The following ST3GAL6 variants were observed in gnomAD, a reference collection of about 807,000 sequenced individuals.
ST3GAL6 encodes type 2 lactosamine alpha-2,3-sialyltransferase.
In ST3GAL6, 31 loss-of-function variants were observed where a neutral mutation model predicts 40.5. The observed-to-expected ratio is 0.77, with a 90% CI of 0.58 to 1.03. ST3GAL6 has a LOEUF of 1.03. Among genes scored for constraint, ST3GAL6 ranks in the 50% least tolerant of loss-of-function variants. ST3GAL6 has a pLI of 0.00. For missense variants in ST3GAL6, 357 were observed against 393.2 expected, an observed-to-expected ratio of 0.91 and a Z score of 0.78; for synonymous variants, 129 against 136.9, an observed-to-expected ratio of 0.94 and a Z score of 0.40.
At chr3:98,733,313 G>C (rs1935217824) in intron 1 of ST3GAL6, 2 of 1,164,276 alleles carry the variant, frequency 1.7e-6, no homozygotes, top group Admixed American at 4.7e-5. Flanking sequence ...GCAGCCTCGC[G>C]GGTAAGCCCA....
intron 1 of ST3GAL6, among the ~76,000 whole-genome samples, chr3:98,746,439 T>A (rs1351326098): frequency 2.0e-5 from 3 of 152,134 alleles, no homozygotes; most frequent in Non-Finnish European, 4.4e-5. Context: ...GGGGATTGCG[T>A]ACACTTCTGT....
intron 1 of ST3GAL6, among the ~76,000 whole-genome samples, chr3:98,733,972 G>C (rs146406793): frequency 0.02 from 2,970 of 152,252 alleles, 48 homozygotes; most frequent in Non-Finnish European, 0.033. Flanking sequence ...GCCTTACGAG[G>C]ACCAGCTGGG....
intron 1 of ST3GAL6, among the ~76,000 whole-genome samples, chr3:98,753,847 C>A (rs183707665): frequency 1.0e-3 from 154 of 152,282 alleles, no homozygotes; most frequent in Admixed American, 5.2e-3. Context: ...TATAAAGGAA[C>A]AGCATGGTTT....
chr3:98,778,908 C>T (rs995297228), intron 5 of ST3GAL6, among the ~76,000 whole-genome samples: 4 of 152,178 alleles, frequency 2.6e-5, no homozygotes, highest in Admixed American at 6.5e-5. Flanking sequence ...TTCAGGTCTG[C>T]ATATTTGTGG....
chr3:98,788,407 A>T lies in ST3GAL6; in HGVS notation c.700A>T (p.Ile234Phe), dbSNP rs150811291. ...AATCCGAATATTAGATCCTTTCATTATCAGAACAGCAGCTTATGAACTGCT... is the reference window on the plus strand; with the variant it reads ...AATCCGAATATTAGATCCTTTCATTTTCAGAACAGCAGCTTATGAACTGCT... ...YQIRILDPFI[I>F]RTAAYELLHF... Residue 234 changes from isoleucine to phenylalanine, a missense_variant, in exon 8 of 10, where the codon ATC (isoleucine) becomes TTC (phenylalanine). Ile to Phe is a conservative substitution (Grantham distance 21, BLOSUM62 0). Transcript: ENST00000483910. The T allele has an allele frequency of 2.6e-5, 42 of 1,613,246 alleles. No homozygotes were observed. The African/African-American group carries it at 4.7e-4, about 18-fold the overall frequency.
chr3:98,778,303 T>C (rs1939742598), intron 5 of ST3GAL6, among the ~76,000 whole-genome samples: 1 of 152,248 alleles, frequency 6.6e-6, no homozygotes, highest in Non-Finnish European at 1.5e-5. Flanking sequence ...TGGGTTAGAT[T>C]GACTACCAGC....
rs1327979024 is a variant in ST3GAL6, at chr3:98,764,682, A to G, written c.-12+1243A>G. Among the ~76,000 whole-genome samples, 5 of 152,196 alleles carry G rather than the reference A, an allele frequency of 3.3e-5. No homozygotes were observed. In the East Asian group the frequency reaches 7.7e-4, roughly 23 times the overall value. The stretch of plus-strand genomic sequence containing the variant: ...CCTCGTTCTGCTACTTGTCAGCTCA[A>G]CAAAGTCGTTGCTTCTCCCAGAGTT... On this transcript the variant is annotated intron_variant, in intron 1 of 9. Coordinates refer to ENST00000483910, the MANE Select transcript of ST3GAL6 (RefSeq NM_001323368.2).
chr3:98,767,899 A>G (rs1216945710), intron 1 of ST3GAL6, among the ~76,000 whole-genome samples: 1 of 152,196 alleles, frequency 6.6e-6, no homozygotes, highest in Admixed American at 6.5e-5. Flanking sequence ...AAAATTGAGG[A>G]TGAGGGAAAT....
chr3:98,763,693 C>T (rs945446774), intron 1 of ST3GAL6, among the ~76,000 whole-genome samples: 2 of 150,238 alleles, frequency 1.3e-5, no homozygotes, highest in Non-Finnish European at 3.0e-5. Context: ...GGGTGCCTCA[C>T]CCCAGGGCAG....
Position 98,782,132 on chromosome 3 carries a change from T to C in ST3GAL6, c.336-2813T>C, listed in dbSNP as rs1438172722. The C allele has an allele frequency of 8.7e-5, 57 of 657,950 alleles. 1 individual carries two copies. The South Asian group carries it at 9.1e-4, about 11-fold the overall frequency. 40.8% of individuals were successfully genotyped at this position (657,950 alleles called of 1,614,324 possible). On this transcript the variant is annotated intron_variant, in intron 5 of 9. Transcript: ENST00000483910. ...CCACAGCAGAGAGCCTTTGATAAAG[T>C]TGGCTTTCTAGAATAGGGATTGAAA...
chr3:98,744,816 A>G (rs1936413747), intron 1 of ST3GAL6, among the ~76,000 whole-genome samples: 1 of 152,082 alleles, frequency 6.6e-6, no homozygotes. Flanking sequence ...ATAGTGTGGC[A>G]TGTTGTAAAT....
rs768308290 is a variant in ST3GAL6, at chr3:98,788,311, A to AT, written c.619-9dup. On this transcript the variant is annotated splice_polypyrimidine_tract_variant and intron_variant, in intron 7 of 9. Coordinates refer to ENST00000483910, the MANE Select transcript of ST3GAL6 (RefSeq NM_001323368.2). ...ACAGCCACACTGTTCTATTCTCTAT[A>AT]TTTTTTACTTTCAGAACACTAATGG... is the stretch of plus-strand genomic sequence containing the variant. 3.1e-6 allele frequency: 5 copies of AT among 1,600,618 alleles called. No individual in the cohort carries two copies. Among genetic ancestry groups the AT allele is most frequent in the Non-Finnish European group, 4.3e-6 (5 of 1,175,286 alleles).
chr3:98,732,848 G>T, intron 1 of ST3GAL6: 1 of 1,507,270 alleles, frequency 6.6e-7, no homozygotes. Flanking sequence ...TGCCGGCCTC[G>T]GGCTTCTGCG....
intron 5 of ST3GAL6, among the ~76,000 whole-genome samples, chr3:98,784,243 T>A (rs927152330): frequency 1.3e-5 from 2 of 152,220 alleles, no homozygotes; most frequent in Admixed American, 1.3e-4. Context: ...GGGTAAGAGC[T>A]GGGAGAGAGA....
At chr3:98,756,631 T>C (rs1937440554) in intron 1 of ST3GAL6, 3 of 1,056,992 alleles carry the variant, frequency 2.8e-6, no homozygotes, top group Admixed American at 7.6e-5. Context: ...CTCTTGTGGG[T>C]GATGTTAAAA....
In ST3GAL6 at chr3:98,788,017, T is replaced by A. The variant is rs2290068; in HGVS notation, c.432-19T>A. On this transcript the variant is annotated intron_variant, in intron 6 of 9. Transcript: ENST00000483910. ...TACTGCACTTGGTCTACATATCTTGTATGTTTTACTATCCACAGAATGAAT... is the reference window on the plus strand; with the variant it reads ...TACTGCACTTGGTCTACATATCTTGAATGTTTTACTATCCACAGAATGAAT... The A allele has an allele frequency of 1.2e-6, 2 of 1,604,270 alleles. No homozygotes were observed. The highest frequency in any genetic ancestry group is 4.5e-5 in the East Asian group (2 of 44,794).
At chr3:98,774,922 A>G (rs9866570) in intron 5 of ST3GAL6, among the ~76,000 whole-genome samples, 62,224 of 152,108 alleles carry the variant, frequency 0.41, 12,919 homozygotes, top group Non-Finnish European at 0.45. Context: ...AAACTATGCC[A>G]TCAACCTAAT....
At position 98,794,430 on chromosome 3, in the gene ST3GAL6, T is replaced by TTAACTAAC. The variant is rs148339642; in HGVS notation, c.*674_*675insAACTAACT. Reference sequence around the variant, plus strand: ...TTGTATTATTTTAAAGAAATGAAGTTTAACTTTATACAGTGAAGCTAAGCT... The same window carrying TTAACTAAC: ...TTGTATTATTTTAAAGAAATGAAGTTTAACTAACTAACTTTATACAGTGAAGCTAAGCT... On this transcript the variant is annotated 3_prime_UTR_variant, in exon 10 of 10. Transcript: ENST00000483910. The TTAACTAAC allele has an allele frequency of 1.3e-5, 2 of 151,984 alleles. No individual in the cohort carries two copies. Among genetic ancestry groups the TTAACTAAC allele is most frequent in the African/African-American group, 4.8e-5 (2 of 41,420 alleles). 9.4% of individuals were successfully genotyped at this position (151,984 alleles called of 1,614,324 possible).
intron 5 of ST3GAL6, among the ~76,000 whole-genome samples, chr3:98,779,851 T>C (rs534980639): frequency 6.6e-6 from 1 of 152,324 alleles, no homozygotes; most frequent in East Asian, 1.9e-4. Flanking sequence ...GGAAATAACC[T>C]CCATATACTT....
Sources: allele counts gnomAD v4.1 joint callset (sites outside exome capture counted in the v4.1 genomes callset), GRCh38; gene constraint gnomAD v4.1.1; transcripts MANE v1.5; gene names NCBI Gene and HGNC (gene_info 2026-07-23, HGNC 2026-07-21).